TTC7A: variants seen among roughly 807,000 people sequenced by gnomAD.
TTC7A encodes tetratricopeptide repeat protein 7A.
In TTC7A, 110 loss-of-function variants were observed where a neutral mutation model predicts 103.7. That is an observed-to-expected ratio of 1.06 (90% CI 0.91 to 1.24). The LOEUF (loss-of-function observed/expected upper bound fraction) is 1.24, where lower values mean the gene tolerates loss of function less well. TTC7A is among the 50% of genes most tolerant of loss of function. The pLI is 0.00. For missense variants in TTC7A, 1,340 were observed against 1,116.3 expected (o/e 1.20, Z -2.86); for synonymous variants, 521 against 467.9 (o/e 1.11, Z -1.47).
At chr2:46,986,506 G>C (rs926648626) in intron 5 of TTC7A, among the ~76,000 whole-genome samples, 1 of 151,962 alleles carries the variant, frequency 6.6e-6, no homozygotes, top group African/African-American at 2.4e-5. Flanking sequence ...GCAGTGCTCT[G>C]TGCTGGGGGG....
At chr2:46,995,765 GTGCCAGACCC>G (rs1359163443) in intron 8 of TTC7A, among the ~76,000 whole-genome samples, 2 of 152,350 alleles carry the variant, frequency 1.3e-5, no homozygotes, top group East Asian at 3.9e-4. Flanking sequence ...CATCTACTTT[GTGCCAGACCC>G]TGCTCTAGAC....
chr2:46,977,335 A>T (rs1398697030), intron 4 of TTC7A, among the ~76,000 whole-genome samples: 1 of 152,224 alleles, frequency 6.6e-6, no homozygotes, highest in Non-Finnish European at 1.5e-5. Flanking sequence ...CTGAGGAACT[A>T]AGACCTTCTC....
At chr2:46,917,142 G>A in intron 1 of TTC7A, 1 of 699,740 alleles carries the variant, frequency 1.4e-6, no homozygotes, top group Admixed American at 2.0e-5. Flanking sequence ...CCATCCCAGA[G>A]AAAAATCCCA....
chr2:47,051,901 GAC>G, intron 18 of TTC7A, 21 bp downstream of exon 18: 4 of 1,595,164 alleles, frequency 2.5e-6, no homozygotes, highest in Non-Finnish European at 3.4e-6. Flanking sequence ...TGGTCCCAGT[GAC>G]ACACACAGCC....
At chr2:47,057,463 T>C (rs1683412631) in intron 18 of TTC7A, among the ~76,000 whole-genome samples, 1 of 152,134 alleles carries the variant, frequency 6.6e-6, no homozygotes, top group Admixed American at 6.5e-5. Flanking sequence ...TGGGGTACCC[T>C]CTAATTAAAA....
chr2:47,021,784 G>A lies in TTC7A; in HGVS notation c.1393-78G>A, dbSNP rs112546104. On this transcript the variant is annotated intron_variant, in intron 11 of 19. Transcript: ENST00000319190. ...CTTGAGCACAAGGCTTCTGTTTCGGGAACAGGTCCAGGGAGTCATTCACTG... is the reference window on the plus strand; with the variant it reads ...CTTGAGCACAAGGCTTCTGTTTCGGAAACAGGTCCAGGGAGTCATTCACTG... 146 of 1,132,432 alleles carry A rather than the reference G, an allele frequency of 1.3e-4. No individual in the cohort carries two copies. The African/African-American group carries it at 2.0e-3, about 16-fold the overall frequency. The allele number at this position is 1,132,432 out of a possible 1,614,324, so 70.1% of individuals were successfully genotyped here.
intron 3 of TTC7A, among the ~76,000 whole-genome samples, chr2:46,967,805 A>G (rs929791886): frequency 6.6e-6 from 1 of 151,738 alleles, no homozygotes; most frequent in Admixed American, 6.6e-5. Context: ...TCATATGGTA[A>G]TATCTATTTT....
At chr2:46,976,692 A>G (rs55790905) in intron 4 of TTC7A, among the ~76,000 whole-genome samples, 7,196 of 152,208 alleles carry the variant, frequency 0.047, 594 homozygotes, top group African/African-American at 0.16. Context: ...GCTGCCGTGT[A>G]TATTATAGGA....
In TTC7A at chr2:46,954,675, G is replaced by C. The variant is rs754331872; in HGVS notation, c.349-2164G>C. Among the ~76,000 whole-genome samples, 2 of 149,304 alleles carry C rather than the reference G, an allele frequency of 1.3e-5. 1 individual carries two copies. The highest frequency in any genetic ancestry group is 1.3e-4 in the Admixed American group (2 of 14,898). ...CAACCTCCGCCTCCCGGGTTCAAGC[G>C]ATTCTTCTGCCTCAGCCTCCCAAGT... On this transcript the variant is annotated intron_variant, in intron 2 of 19. Coordinates refer to ENST00000319190, the MANE Select transcript of TTC7A (RefSeq NM_020458.4).
chr2:46,956,411 G>A (rs1022245418), intron 2 of TTC7A, among the ~76,000 whole-genome samples: 6 of 152,078 alleles, frequency 3.9e-5, no homozygotes, highest in African/African-American at 1.4e-4. Flanking sequence ...GTACACAAGA[G>A]GACTCCCAAA....
chr2:47,026,881 C>A (rs996135102), intron 14 of TTC7A, among the ~76,000 whole-genome samples: 1 of 152,152 alleles, frequency 6.6e-6, no homozygotes, highest in African/African-American at 2.4e-5. Flanking sequence ...TGGGAAGTGG[C>A]AGAGCCAGGA....
At chr2:47,021,381 A>ACAGT (rs955275799) in intron 11 of TTC7A, among the ~76,000 whole-genome samples, 3 of 152,198 alleles carry the variant, frequency 2.0e-5, no homozygotes, top group African/African-American at 4.8e-5. Context: ...TCCAACTGGA[A>ACAGT]CAGTCCCTCC....
intron 1 of TTC7A, among the ~76,000 whole-genome samples, chr2:46,947,803 T>G (rs1671060058): frequency 6.6e-6 from 1 of 152,180 alleles, no homozygotes; most frequent in Non-Finnish European, 1.5e-5. Flanking sequence ...ATACACAAAG[T>G]ACTACCTCCC....
intron 18 of TTC7A, among the ~76,000 whole-genome samples, chr2:47,058,326 G>A (rs528274816): frequency 2.6e-4 from 39 of 147,456 alleles, no homozygotes; most frequent in South Asian, 2.1e-4. Flanking sequence ...CTCAGAAAGC[G>A]TTGTATTTTA....
At chr2:46,944,861 T>C (rs1216314745) in intron 1 of TTC7A, among the ~76,000 whole-genome samples, 1 of 152,136 alleles carries the variant, frequency 6.6e-6, no homozygotes, top group Non-Finnish European at 1.5e-5. Context: ...TTTTTGAAAA[T>C]ATAGCCACTG....
intron 18 of TTC7A, among the ~76,000 whole-genome samples, chr2:47,052,735 G>A (rs1682967132): frequency 6.6e-6 from 1 of 152,142 alleles, no homozygotes; most frequent in African/African-American, 2.4e-5. Flanking sequence ...AGGAGGATAG[G>A]CTAAATGGAC....
rs35753980 is a variant in TTC7A, at chr2:47,059,009, C to CTTTTTTTTT, written c.2153-1738_2153-1730dup. Among the ~76,000 whole-genome samples the CTTTTTTTTT allele has an allele frequency of 3.7e-3, 166 of 44,716 alleles. 31 individuals carry two copies. The highest frequency in any genetic ancestry group is 0.019 in the African/African-American group (158 of 8,316). 29.3% of individuals were successfully genotyped at this position (44,716 alleles called of 152,430 possible). On this transcript the variant is annotated intron_variant, in intron 18 of 19. Coordinates refer to ENST00000319190, the MANE Select transcript of TTC7A (RefSeq NM_020458.4). Reference sequence around the variant, plus strand: ...GTGGGGTCCTCACCTCCTAAGCCTGCTTTTTTTTTTTTTTTTTTTTTTTTT... The same window carrying CTTTTTTTTT: ...GTGGGGTCCTCACCTCCTAAGCCTGCTTTTTTTTTTTTTTTTTTTTTTTTTTTTTTTTTT...
chr2:46,922,805 C>CCAATT (rs1415769638), intron 2 of TTC7A, among the ~76,000 whole-genome samples: 1 of 152,108 alleles, frequency 6.6e-6, no homozygotes. Flanking sequence ...TGGGAGGCCT[C>CCAATT]CAATTCAATT....
chr2:46,994,902 A>C (rs1445344643), intron 7 of TTC7A, among the ~76,000 whole-genome samples: 2 of 151,968 alleles, frequency 1.3e-5, no homozygotes, highest in South Asian at 2.1e-4. Flanking sequence ...TGCTGGGAGG[A>C]ATGTTTCCTC....
Sources: gnomAD v4.1 joint callset for allele counts (sites outside exome capture counted in the v4.1 genomes callset) on GRCh38, gnomAD v4.1.1 for gene constraint, MANE v1.5 for transcripts, NCBI Gene and HGNC (gene_info 2026-07-23, HGNC 2026-07-21) for gene names.